Variants in SGSM2 observed in about 807,000 individuals in gnomAD.
SGSM2 encodes the protein RUN and TBC1 domain containing 1.
In SGSM2, 89 loss-of-function variants were observed where a neutral mutation model predicts 126.6. The observed-to-expected ratio is 0.70, with a 90% CI of 0.59 to 0.84. SGSM2 has a LOEUF of 0.84. Ranked by LOEUF, SGSM2 falls within the 40% of genes least tolerant of loss-of-function variation. SGSM2 has a pLI of 0.00. For synonymous variants in SGSM2, 614 were observed against 574.3 expected, an observed-to-expected ratio of 1.07 and a Z score of -0.99; for missense variants, 1,404 against 1,416.6, an observed-to-expected ratio of 0.99 and a Z score of 0.14.
At position 2,363,024 on chromosome 17, in the gene SGSM2, A is replaced by G; in HGVS notation, c.562A>G (p.Thr188Ala). Residue 188 changes from threonine to alanine, a missense_variant, in exon 6 of 24, where the codon ACA (threonine) becomes GCA (alanine). Transcript: ENST00000268989. This position sits in a 1 kb window ranked among gnomAD's most constrained non-coding sequence, Gnocchi z 4.2. The stretch of plus-strand genomic sequence containing the variant: ...TGCCTTGGAATACACTAAGCTCAAG[A>G]CAGCCGATCACTACTGGACTGACCC... ...PCALEYTKLK[T>A]ADHYWTDPSA... The G allele has an allele frequency of 6.2e-7, 1 of 1,614,004 alleles. No homozygotes were observed. Among genetic ancestry groups the G allele is most frequent in the Non-Finnish European group, 8.5e-7 (1 of 1,180,034 alleles).
At chr17:2,342,432 A>T (rs1159849730) in intron 1 of SGSM2, among the ~76,000 whole-genome samples, 1 of 151,986 alleles carries the variant, frequency 6.6e-6, no homozygotes, top group African/African-American at 2.4e-5. Context: ...TCAGAAACAA[A>T]CAAACAAAAA....
chr17:2,338,182 G>A (rs1040669302), intron 1 of SGSM2, among the ~76,000 whole-genome samples: 2 of 152,146 alleles, frequency 1.3e-5, no homozygotes, highest in African/African-American at 4.8e-5. Context: ...TGTCGTGCGG[G>A]CTGAGCTCCC....
chr17:2,345,886 G>C (rs563091052), intron 2 of SGSM2, among the ~76,000 whole-genome samples: 6 of 152,230 alleles, frequency 3.9e-5, no homozygotes, highest in Non-Finnish European at 4.4e-5. Flanking sequence ...ACTGAGGCTC[G>C]TTGAAAGCAT....
In SGSM2 at chr17:2,363,576, A is replaced by G; in HGVS notation, c.784A>G (p.Lys262Glu). The G allele has an allele frequency of 2.5e-6, 4 of 1,613,294 alleles. No homozygotes were observed. The highest frequency in any genetic ancestry group is 3.4e-6 in the Non-Finnish European group (4 of 1,179,872). The change falls in exon 7 of 24, where the codon AAG (lysine) becomes GAG (glutamate). Residue 262 changes from lysine (K) to glutamate (E), a missense_variant. Physicochemically the swap from Lys to Glu is moderately conservative, Grantham distance 56 (BLOSUM62 1). Transcript: ENST00000268989. The surrounding 1 kb of genome is among the most constrained non-coding windows in gnomAD (Gnocchi z 4.2). The stretch of plus-strand genomic sequence containing the variant: ...CTCACGGACGCGGCTGCTCTATGGC[A>G]AGAACCACGTGCTGGTGCAGCCGGT... ...QNSRTRLLYG[K>E]NHVLVQPKED...
At chr17:2,369,931 C>T (rs1452598900) in intron 12 of SGSM2, among the ~76,000 whole-genome samples, 2 of 152,192 alleles carry the variant, frequency 1.3e-5, no homozygotes, top group East Asian at 3.9e-4. Context: ...CCTTAATTTG[C>T]CTCCTGGTGG....
intron 7 of SGSM2, 36 bp from the exon 8 acceptor site, chr17:2,364,023 C>T: frequency 1.2e-6 from 2 of 1,613,816 alleles, no homozygotes; most frequent in Non-Finnish European, 1.7e-6. Context: ...GCCTCTCAGC[C>T]CTTCATCGTC....
intron 2 of SGSM2, among the ~76,000 whole-genome samples, chr17:2,349,023 C>T (rs2064729257): frequency 6.6e-6 from 1 of 151,878 alleles, no homozygotes; most frequent in Non-Finnish European, 1.5e-5. Flanking sequence ...CTCGGCCTCC[C>T]AAAGTGCTGG....
chr17:2,375,732 G>A lies in SGSM2; in HGVS notation c.2341G>A (p.Gly781Ser), dbSNP rs370950981. Residue 781 changes from glycine (G) to serine (S), a missense_variant, in exon 18 of 24, where the codon GGC becomes AGC. By Grantham distance (56) the Gly-to-Ser change is moderately conservative. Transcript: ENST00000268989. ...GQSVGFEEED[G>S]GGEEGSSGPG... Reference sequence around the variant, plus strand: ...GAGCGTGGGCTTCGAAGAGGAGGACGGCGGTGGGGAGGAAGGCTCCAGTGG... The same window carrying A: ...GAGCGTGGGCTTCGAAGAGGAGGACAGCGGTGGGGAGGAAGGCTCCAGTGG... The A allele has an allele frequency of 1.5e-5, 24 of 1,608,724 alleles. No individual in the cohort carries two copies. The highest frequency in any genetic ancestry group is 1.2e-4 in the South Asian group (11 of 90,924).
rs918955163 is a variant in SGSM2 at position 2,372,655 on chromosome 17, C to A, written c.1788+167C>A. The A allele has an allele frequency of 3.9e-6, 4 of 1,021,514 alleles. No homozygotes were observed. The highest frequency in any genetic ancestry group is 3.3e-5 in the African/African-American group (2 of 60,274). The allele number at this position is 1,021,514 out of a possible 1,614,324, so 63.3% of individuals were successfully genotyped here. On this transcript the variant is annotated intron_variant, in intron 15 of 23. Coordinates refer to ENST00000268989, the MANE Select transcript of SGSM2 (RefSeq NM_014853.3). The surrounding 1 kb of genome is among the most constrained non-coding windows in gnomAD (Gnocchi z 6.0). Reference sequence around the variant, plus strand: ...CTTGCAGCTGGGCCTGGGGCTGACACGGGAAGGGGGCTGGACTGGGAAGCC... The same window carrying A: ...CTTGCAGCTGGGCCTGGGGCTGACAAGGGAAGGGGGCTGGACTGGGAAGCC...
intron 17 of SGSM2, chr17:2,374,589 T>TA (rs1167947997): frequency 2.8e-4 from 42 of 151,100 alleles, no homozygotes; most frequent in Admixed American, 1.1e-3. Context: ...AGAAATAAAA[T>TA]AAAAAAAAAG....
Position 2,337,818 on chromosome 17 carries a change from C to T in SGSM2, c.57+73C>T, listed in dbSNP as rs566638848. ...GGCCCAGGGGGCAGAAAGGTCCGCGCCCACCCCCCGGCGCGGGCACCCGGG... is the reference window on the plus strand; with the variant it reads ...GGCCCAGGGGGCAGAAAGGTCCGCGTCCACCCCCCGGCGCGGGCACCCGGG... On this transcript the variant is annotated intron_variant, in intron 1 of 23. Coordinates refer to ENST00000268989, the MANE Select transcript of SGSM2 (RefSeq NM_014853.3). This position sits in a 1 kb window ranked among gnomAD's most constrained non-coding sequence, Gnocchi z 5.1. The T allele has an allele frequency of 9.9e-3, 12,133 of 1,220,812 alleles. 89 individuals are homozygous for T. Among genetic ancestry groups the T allele is most frequent in the Non-Finnish European group, 0.012 (11,127 of 919,608 alleles). The allele number at this position is 1,220,812 out of a possible 1,614,324, so 75.6% of individuals were successfully genotyped here.
chr17:2,338,774 A>T lies in SGSM2; in HGVS notation c.57+1029A>T, dbSNP rs1047642792. On this transcript the variant is annotated intron_variant, in intron 1 of 23. Transcript: ENST00000268989. The stretch of plus-strand genomic sequence containing the variant: ...CCTTGAGTCTCTATGCCGTCTCCCT[A>T]ATATATATATATATAACCTCACGCC... Among the ~76,000 whole-genome samples the T allele has an allele frequency of 3.0e-5, 4 of 133,892 alleles. No homozygotes were observed. In the Admixed American group the frequency reaches 3.0e-4, roughly 10 times the overall value. 87.8% of individuals were successfully genotyped at this position (133,892 alleles called of 152,430 possible).
Position 2,372,593 on chromosome 17 carries a change from C to G in SGSM2, c.1788+105C>G, listed in dbSNP as rs1321423013. The G allele has an allele frequency of 5.5e-6, 8 of 1,448,070 alleles. No homozygotes were observed. Among genetic ancestry groups the G allele is most frequent in the Non-Finnish European group, 7.5e-6 (8 of 1,065,602 alleles). 89.7% of individuals were successfully genotyped at this position (1,448,070 alleles called of 1,614,324 possible). On this transcript the variant is annotated intron_variant, in intron 15 of 23. Transcript: ENST00000268989. The surrounding 1 kb of genome is among the most constrained non-coding windows in gnomAD (Gnocchi z 6.0). ...AGTGGGTGCGGTTGACAGGCCAGGG[C>G]CGATGCCACGGAGTGACCAGGGTCC...
chr17:2,358,077 G>A (rs1445513470), intron 2 of SGSM2, among the ~76,000 whole-genome samples: 2 of 152,150 alleles, frequency 1.3e-5, no homozygotes, highest in Non-Finnish European at 2.9e-5. Context: ...CTTTAGCCCT[G>A]CAAGTATCTC....
At chr17:2,340,614 T>C (rs2064307484) in intron 1 of SGSM2, among the ~76,000 whole-genome samples, 3 of 151,236 alleles carry the variant, frequency 2.0e-5, no homozygotes, top group Admixed American at 2.0e-4. Context: ...AGATGGAGTC[T>C]CGCTCTGTTG....
chr17:2,376,193 G>A lies in SGSM2; in HGVS notation c.2541G>A (p.Gln847=), dbSNP rs2066138979. 3 of 1,614,124 alleles carry A rather than the reference G, an allele frequency of 1.9e-6. No individual in the cohort carries two copies. Among genetic ancestry groups the A allele is most frequent in the South Asian group, 1.1e-5 (1 of 91,082 alleles). The part of the protein sequence containing the change: ...LNLHRIDKDV[Q]RCDRNYWYFT... ...TGCACCGCATAGACAAGGATGTGCA[G>A]AGGTGTGACCGCAACTACTGGTACT... The change falls in exon 19 of 24, where the codon CAG becomes CAA. Residue 847 remains glutamine, a synonymous_variant. Coordinates refer to ENST00000268989, the MANE Select transcript of SGSM2 (RefSeq NM_014853.3).
Position 2,376,259 on chromosome 17 carries a change from C to T in SGSM2, c.2607C>T (p.Cys869=), listed in dbSNP as rs369127581. The change falls in exon 19 of 24, where the codon TGC becomes TGT. Residue 869 remains cysteine, a splice_region_variant and synonymous_variant. Transcript: ENST00000268989. The part of the protein sequence containing the change: ...PNLERLRDVM[C]SYVWEHLDVG... ...TCGAGAGGCTCAGAGACGTCATGTG[C>T]AGGTGCCTTGTGGGGCGGGGCTCAG... 6.2e-7 allele frequency: 1 copy of T among 1,613,576 alleles called. No individual in the cohort carries two copies. Among genetic ancestry groups the T allele is most frequent in the Non-Finnish European group, 8.5e-7 (1 of 1,180,012 alleles).
intron 19 of SGSM2, 146 bp from the exon 20 acceptor site, chr17:2,376,587 C>G: frequency 1.1e-6 from 1 of 902,178 alleles, no homozygotes. Flanking sequence ...CCCGTTGTCT[C>G]CCTGTGGGGG....
chr17:2,369,634 T>C (rs1409535124), intron 12 of SGSM2, among the ~76,000 whole-genome samples: 2 of 152,166 alleles, frequency 1.3e-5, no homozygotes, highest in African/African-American at 4.8e-5. Context: ...CAGGAGACCT[T>C]GGCTGGGCCT....
Sources: allele counts gnomAD v4.1 joint callset (sites outside exome capture counted in the v4.1 genomes callset), GRCh38; gene constraint gnomAD v4.1.1; non-coding constraint Gnocchi (gnomAD v3.1); transcripts MANE v1.5; gene names NCBI Gene and HGNC (gene_info 2026-07-23, HGNC 2026-07-21).